CERS5: variants seen among roughly 807,000 people sequenced by gnomAD.
CERS5 encodes the protein ceramide synthase 5, also known as LAG1 homolog, ceramide synthase 5.
CERS5 carries 37 observed loss-of-function variants against 58.9 expected under a neutral mutation model. The observed-to-expected ratio is 0.63, with a 90% CI of 0.48 to 0.83. The LOEUF (loss-of-function observed/expected upper bound fraction) is 0.83. Among genes scored for constraint, CERS5 ranks in the 40% least tolerant of loss-of-function variants. The pLI is 0.00. For missense variants in CERS5, 398 were observed against 489.3 expected (o/e 0.81, Z 1.76); for synonymous variants, 147 against 177.8 (o/e 0.83, Z 1.38).
At chr12:50,152,603 C>T (rs1161622149) in intron 1 of CERS5, among the ~76,000 whole-genome samples, 1 of 151,410 alleles carries the variant, frequency 6.6e-6, no homozygotes, top group Non-Finnish European at 1.5e-5. Flanking sequence ...AATGGATGTA[C>T]CCAAAAAGCA....
chr12:50,154,185 T>C, intron 1 of CERS5: 1 of 310,050 alleles, frequency 3.2e-6, no homozygotes, highest in Non-Finnish European at 6.5e-6. Context: ...AAACCCCATC[T>C]CTACTAAAAA....
chr12:50,135,755 T>C lies in CERS5; in HGVS notation c.849A>G (p.Thr283=). The C allele has an allele frequency of 6.2e-7, 1 of 1,613,378 alleles. No individual in the cohort carries two copies. Among genetic ancestry groups the C allele is most frequent in the Non-Finnish European group, 8.5e-7 (1 of 1,179,366 alleles). ...FVIFSAVFMV[T]RLGIYPFWIL... ...ACCAGAATGGATAGATTCCTAGTCG[T>C]GTAACCATAAAAACAGCACTGAAGA... The change falls in exon 8 of 10, where the codon ACA becomes ACG. Residue 283 remains threonine, a synonymous_variant. Transcript: ENST00000317551.
rs1279464361 is a variant in CERS5 at position 50,136,058 on chromosome 12, G to T, written c.648C>A (p.Ile216=). The T allele has an allele frequency of 2.0e-6, 3 of 1,496,176 alleles. No homozygotes were observed. Among genetic ancestry groups the T allele is most frequent in the African/African-American group, 2.8e-5 (2 of 71,064 alleles). 92.7% of individuals were successfully genotyped at this position (1,496,176 alleles called of 1,614,324 possible). Residue 216 remains isoleucine (I), a synonymous_variant, in exon 7 of 10, where the codon ATC becomes ATA. Coordinates refer to ENST00000317551, the MANE Select transcript of CERS5 (RefSeq NM_147190.5). ...FTDIKRKDFL[I]MFVHHLVTIG... is the part of the protein sequence containing the mutation. Reference sequence around the variant, plus strand: ...TGGTGACCAAGTGATGCACAAACATGATCAGGAAGTCCTAGGAAGGAATGG... The same window carrying T: ...TGGTGACCAAGTGATGCACAAACATTATCAGGAAGTCCTAGGAAGGAATGG...
intron 9 of CERS5, chr12:50,133,800 G>A (rs1318362353): frequency 2.0e-6 from 2 of 985,034 alleles, no homozygotes; most frequent in East Asian, 2.3e-4. Context: ...CAGGCCAGGT[G>A]CGGTGGCTCA....
intron 1 of CERS5, among the ~76,000 whole-genome samples, chr12:50,159,389 C>T (rs535110073): frequency 6.6e-6 from 1 of 152,232 alleles, no homozygotes; most frequent in East Asian, 1.9e-4. Flanking sequence ...AAATAATTTA[C>T]ATTTAGAAAT....
rs186488914 is a variant in CERS5, at chr12:50,164,161, T to C, written c.197+2940A>G. Among the ~76,000 whole-genome samples, 247 of 151,620 alleles carry C rather than the reference T, an allele frequency of 1.6e-3. 1 individual carries two copies. In the East Asian group the frequency reaches 0.017, roughly 11 times the overall value. ...TTTTAGTAGAGATGGGGTTTCACCATGTTGGCCAGGCTGGTCTCGAACTCC... is the reference window on the plus strand; with the variant it reads ...TTTTAGTAGAGATGGGGTTTCACCACGTTGGCCAGGCTGGTCTCGAACTCC... On this transcript the variant is annotated intron_variant, in intron 1 of 9. Transcript: ENST00000317551.
chr12:50,132,674 G>GACTA (rs1279834998), intron 9 of CERS5, among the ~76,000 whole-genome samples: 4 of 151,938 alleles, frequency 2.6e-5, no homozygotes, highest in East Asian at 3.9e-4. Context: ...GAACTTAGAT[G>GACTA]ACTAACTGAT....
At position 50,135,729 on chromosome 12, in the gene CERS5, T is replaced by TA. The variant is rs1321648564; in HGVS notation, c.872+2dup. 1 of 1,600,910 alleles carries TA rather than the reference T, an allele frequency of 6.2e-7. No individual in the cohort carries two copies. Among genetic ancestry groups the TA allele is most frequent in the Non-Finnish European group, 8.6e-7 (1 of 1,168,102 alleles). On this transcript the variant is annotated splice_region_variant and intron_variant, in intron 8 of 9. Coordinates refer to ENST00000317551, the MANE Select transcript of CERS5 (RefSeq NM_147190.5). ...ACCACAACTCTACAGCCCTACCACT[T>TA]ACCAGAATGGATAGATTCCTAGTCG...
rs1478004986 is a variant in CERS5 at position 50,142,091 on chromosome 12, A to G, written c.454T>C (p.Leu152=). Residue 152 remains leucine (L), a synonymous_variant, in exon 4 of 10, where the codon TTA becomes CTA. Transcript: ENST00000317551. ...CESMWRFTFY[L]CIFCYGIRFL... ...CTAATTCCATAGCAGAATATACATA[A>G]ATAAAATGTGAATCTCCACCTGGGT... The G allele has an allele frequency of 6.2e-7, 1 of 1,605,618 alleles. No individual in the cohort carries two copies. The highest frequency in any genetic ancestry group is 1.7e-5 in the Admixed American group (1 of 59,558).
intron 1 of CERS5, among the ~76,000 whole-genome samples, chr12:50,145,251 ATAAT>A (rs1952207061): frequency 6.6e-6 from 1 of 151,854 alleles, no homozygotes; most frequent in Non-Finnish European, 1.5e-5. Flanking sequence ...TTGATTGATT[ATAAT>A]TAATTTCCAA....
In CERS5 at chr12:50,130,398, T is replaced by C. The variant is rs1951251964; in HGVS notation, c.*147A>G. 1 of 672,246 alleles carries C rather than the reference T, an allele frequency of 1.5e-6. No individual in the cohort carries two copies. Among genetic ancestry groups the C allele is most frequent in the Admixed American group, 2.9e-5 (1 of 34,618 alleles). The allele number at this position is 672,246 out of a possible 1,614,324, so 41.6% of individuals were successfully genotyped here. ...TTAAATACAAAATGGCAGTTTTCTTTCAAAGTGAAAATATTTGCTTCTTTG... is the reference window on the plus strand; with the variant it reads ...TTAAATACAAAATGGCAGTTTTCTTCCAAAGTGAAAATATTTGCTTCTTTG... On this transcript the variant is annotated 3_prime_UTR_variant, in exon 10 of 10. Transcript: ENST00000317551.
At chr12:50,154,910 G>T (rs1428805265) in intron 1 of CERS5, among the ~76,000 whole-genome samples, 1 of 152,134 alleles carries the variant, frequency 6.6e-6, no homozygotes, top group Non-Finnish European at 1.5e-5. Flanking sequence ...CCAGGCTGGA[G>T]TGCAGTGGCG....
intron 1 of CERS5, among the ~76,000 whole-genome samples, chr12:50,148,917 A>ATATAT (rs1247551133): frequency 2.1e-4 from 13 of 61,990 alleles, no homozygotes; most frequent in African/African-American, 7.7e-4. Context: ...AAAAAAAAAA[A>ATATAT]AAAAAAAAAA....
intron 1 of CERS5, among the ~76,000 whole-genome samples, chr12:50,146,400 T>C (rs1952268124): frequency 6.6e-6 from 1 of 152,222 alleles, no homozygotes; most frequent in Admixed American, 6.5e-5. Context: ...GTCTATATTC[T>C]GCTCACCTCG....
At chr12:50,149,588 A>G (rs979611916) in intron 1 of CERS5, among the ~76,000 whole-genome samples, 1 of 152,192 alleles carries the variant, frequency 6.6e-6, no homozygotes, top group African/African-American at 2.4e-5. Context: ...AAGCTTCTCA[A>G]CTATTGTGGC....
At chr12:50,138,644 A>T (rs1951814605) in intron 4 of CERS5, 27 bp from the exon 5 acceptor site, 2 of 1,598,994 alleles carry the variant, frequency 1.3e-6, no homozygotes, top group Non-Finnish European at 1.7e-6. Context: ...AATCCATGTC[A>T]GTCCTCAAGA....
intron 1 of CERS5, among the ~76,000 whole-genome samples, chr12:50,155,243 A>G (rs1938437412): frequency 6.6e-6 from 1 of 152,160 alleles, no homozygotes; most frequent in Non-Finnish European, 1.5e-5. Context: ...AGCTCCTTGG[A>G]GTCCTCAGTA....
Position 50,130,654 on chromosome 12 carries a change from T to C in CERS5, c.1070A>G (p.Glu357Gly), listed in dbSNP as rs1951267987. 2 of 1,611,244 alleles carry C rather than the reference T, an allele frequency of 1.2e-6. No individual in the cohort carries two copies. The highest frequency in any genetic ancestry group is 1.1e-5 in the South Asian group (1 of 90,948). ...DDRSDVESSS[E>G]EEDVTTCTKS... is the part of the protein sequence containing the mutation. The stretch of plus-strand genomic sequence containing the variant: ...TGTGCAGGTGGTCACATCTTCTTCC[T>C]CTGAGCTGCTCTCCACATCACTGCG... The change falls in exon 10 of 10, where the codon GAG becomes GGG. Residue 357 changes from glutamate to glycine, a missense_variant. Physicochemically the swap from Glu to Gly is moderately conservative, Grantham distance 98. This residue lies in a region of CERS5 where 47 missense variants were observed against 50.2 expected (regional missense o/e 0.94). Coordinates refer to ENST00000317551, the MANE Select transcript of CERS5 (RefSeq NM_147190.5).
intron 1 of CERS5, among the ~76,000 whole-genome samples, chr12:50,149,580 G>C (rs1937714852): frequency 6.6e-6 from 1 of 152,120 alleles, no homozygotes; most frequent in Admixed American, 6.6e-5. Context: ...TCTAGATTAA[G>C]CTTCTCAACT....
Sources: gnomAD v4.1 joint callset for allele counts (sites outside exome capture counted in the v4.1 genomes callset) on GRCh38, gnomAD v4.1.1 for gene constraint, gnomAD v4.1.1 regional missense constraint, MANE v1.5 for transcripts, NCBI Gene and HGNC (gene_info 2026-07-23, HGNC 2026-07-21) for gene names.